Variants in MRPS6 observed in about 807,000 individuals in gnomAD.
MRPS6 encodes the protein small ribosomal subunit protein bS6m.
MRPS6 carries 6 observed loss-of-function variants against 13.1 expected under a neutral mutation model. The ratio of observed to expected loss-of-function variants is 0.46; its 90% confidence interval spans 0.25 to 0.91. The LOEUF is 0.91. MRPS6 is among the 40% of genes least tolerant of loss of function. The probability of loss-of-function intolerance (pLI) is 0.18; values close to 1 mark genes in which losing one functional copy is unlikely to be tolerated. For synonymous variants in MRPS6, 61 were observed against 56.5 expected, an observed-to-expected ratio of 1.08 and a Z score of -0.36; for missense variants, 164 against 155.6, an observed-to-expected ratio of 1.05 and a Z score of -0.29.
In MRPS6 at chr21:34,096,135, A is replaced by G; in HGVS notation, c.45+22390A>G. The G allele has an allele frequency of 1.2e-6, 2 of 1,614,170 alleles. No individual in the cohort carries two copies. Among genetic ancestry groups the G allele is most frequent in the Non-Finnish European group, 8.5e-7 (1 of 1,180,002 alleles). On this transcript the variant is annotated intron_variant, in intron 1 of 2. Transcript: ENST00000399312. This position sits in a 1 kb window ranked among gnomAD's most constrained non-coding sequence, Gnocchi z 5.9. ...CTTAAAGCTCCTGCCAATGTTTATCATAGTTGTCCCAGGAATGATTTCCAG... is the reference window on the plus strand; with the variant it reads ...CTTAAAGCTCCTGCCAATGTTTATCGTAGTTGTCCCAGGAATGATTTCCAG...
intron 1 of MRPS6, among the ~76,000 whole-genome samples, chr21:34,117,008 A>T (rs1323565297): frequency 6.6e-6 from 1 of 152,126 alleles, no homozygotes; most frequent in East Asian, 1.9e-4. Context: ...CTTTCCCTGT[A>T]GTTTTTCCCA....
At chr21:34,138,172 G>A (rs1043033274) in intron 2 of MRPS6, among the ~76,000 whole-genome samples, 1 of 151,820 alleles carries the variant, frequency 6.6e-6, no homozygotes, top group Non-Finnish European at 1.5e-5. Context: ...TGTCAGATGA[G>A]TAGGTTGCGA....
At chr21:34,083,051 A>G (rs1989495107) in intron 1 of MRPS6, among the ~76,000 whole-genome samples, 3 of 152,228 alleles carry the variant, frequency 2.0e-5, no homozygotes, top group African/African-American at 4.8e-5. Context: ...CTGCCCCAGA[A>G]TCGAGAATTC....
chr21:34,106,804 C>T (rs1232099128), intron 1 of MRPS6, among the ~76,000 whole-genome samples: 1 of 152,162 alleles, frequency 6.6e-6, no homozygotes. Context: ...TTCCTGGGTC[C>T]AGTAATGTCT....
At chr21:34,140,148 C>T (rs1980858582) in intron 2 of MRPS6, among the ~76,000 whole-genome samples, 1 of 151,216 alleles carries the variant, frequency 6.6e-6, no homozygotes, top group Non-Finnish European at 1.5e-5. Flanking sequence ...CTCTCTCTCT[C>T]TTCTCATCTT....
intron 1 of MRPS6, among the ~76,000 whole-genome samples, chr21:34,119,666 G>A (rs1251777063): frequency 1.3e-5 from 2 of 152,126 alleles, no homozygotes; most frequent in African/African-American, 2.4e-5. Context: ...CTAGGGTGTG[G>A]TAGTGCTAGC....
intron 2 of MRPS6, chr21:34,136,002 G>A: frequency 3.4e-6 from 1 of 297,262 alleles, no homozygotes; most frequent in South Asian, 4.2e-5. Context: ...GATCTGCACA[G>A]CGTCCACTTC....
At chr21:34,089,295 G>GGT (rs1218157306) in intron 1 of MRPS6, among the ~76,000 whole-genome samples, 1 of 152,014 alleles carries the variant, frequency 6.6e-6, no homozygotes, top group Non-Finnish European at 1.5e-5. Flanking sequence ...TGGGATTACA[G>GGT]GTGTGAGTCA....
chr21:34,090,080 T>G (rs568005592), intron 1 of MRPS6, among the ~76,000 whole-genome samples: 1 of 152,172 alleles, frequency 6.6e-6, no homozygotes, highest in South Asian at 2.1e-4. Context: ...TCTCAAAAAG[T>G]TTTGGATTTG....
At chr21:34,084,151 A>G (rs1039094397) in intron 1 of MRPS6, among the ~76,000 whole-genome samples, 1 of 152,154 alleles carries the variant, frequency 6.6e-6, no homozygotes, top group Non-Finnish European at 1.5e-5. Flanking sequence ...ATATTCTCCA[A>G]ACCTTGGAGA....
rs994515552 is a variant in MRPS6 at position 34,079,762 on chromosome 21, C to T, written c.45+6017C>T. Among the ~76,000 whole-genome samples the T allele has an allele frequency of 9.7e-4, 148 of 151,846 alleles. 10 individuals carry two copies. Among genetic ancestry groups the T allele is most frequent in the Non-Finnish European group, 2.9e-5 (2 of 67,960 alleles). ...CTTTATGTACAATTCCATTAACCTT[C>T]ATGTGGATGATTTGCCACCTTTTTT... On this transcript the variant is annotated intron_variant, in intron 1 of 2. Coordinates refer to ENST00000399312, the MANE Select transcript of MRPS6 (RefSeq NM_032476.4).
intron 1 of MRPS6, among the ~76,000 whole-genome samples, chr21:34,087,336 G>C (rs539223308): frequency 6.6e-6 from 1 of 152,256 alleles, no homozygotes; most frequent in Admixed American, 6.5e-5. Flanking sequence ...TAGGATATTG[G>C]AAGTTTAGCA....
At chr21:34,109,490 A>G (rs1022022068) in intron 1 of MRPS6, among the ~76,000 whole-genome samples, 1 of 152,212 alleles carries the variant, frequency 6.6e-6, no homozygotes, top group African/African-American at 2.4e-5. Flanking sequence ...CATCATTCAC[A>G]GCCTGCATTT....
chr21:34,122,074 G>T (rs1980139827), intron 1 of MRPS6: 1 of 152,222 alleles, frequency 6.6e-6, no homozygotes, highest in Non-Finnish European at 1.5e-5. Flanking sequence ...TAGGGTACAT[G>T]GATTAAGGAC....
chr21:34,123,558 T>A (rs564587927), intron 1 of MRPS6: 1 of 152,174 alleles, frequency 6.6e-6, no homozygotes, highest in African/African-American at 2.4e-5. Flanking sequence ...TTTTTTTTTT[T>A]ATGAAGATAA....
At chr21:34,097,770 C>G in intron 1 of MRPS6, 23 of 1,001,596 alleles carry the variant, frequency 2.3e-5, no homozygotes, top group Non-Finnish European at 2.8e-5. Context: ...GTAATCCCTC[C>G]TACCATTAAG....
At chr21:34,074,867 G>C (rs1286195515) in intron 1 of MRPS6, among the ~76,000 whole-genome samples, 1 of 152,292 alleles carries the variant, frequency 6.6e-6, no homozygotes, top group African/African-American at 2.4e-5. Context: ...ATCACGGAGC[G>C]TCGGGAGATT....
At chr21:34,104,120 C>T (rs1979369736) in intron 1 of MRPS6, 15 of 999,522 alleles carry the variant, frequency 1.5e-5, no homozygotes, top group African/African-American at 1.7e-5. Flanking sequence ...GATGAAGTTA[C>T]CTTTATTTTT....
chr21:34,076,835 TTA>T (rs369738006), intron 1 of MRPS6, among the ~76,000 whole-genome samples: 105 of 152,306 alleles, frequency 6.9e-4, no homozygotes, highest in African/African-American at 2.2e-3. Context: ...TAAAAAGATT[TTA>T]AAAGTCCTGT....
Sources: gnomAD v4.1 joint callset for allele counts (sites outside exome capture counted in the v4.1 genomes callset) on GRCh38, gnomAD v4.1.1 for gene constraint, Gnocchi (gnomAD v3.1) non-coding constraint, MANE v1.5 for transcripts, NCBI Gene and HGNC (gene_info 2026-07-23, HGNC 2026-07-21) for gene names.